The following PTPRD variants were observed in gnomAD, a reference collection of about 807,000 sequenced individuals.
The protein encoded by PTPRD is receptor-type tyrosine-protein phosphatase delta.
Under a neutral mutation model 214.5 loss-of-function variants are expected in PTPRD, and 34 were observed. That is an observed-to-expected ratio of 0.16 (90% CI 0.12 to 0.21). The LOEUF is 0.21. PTPRD is among the 10% of genes least tolerant of loss of function. The pLI is 1.00. For missense variants in PTPRD, 2,545 were observed against 2,398.7 expected (o/e 1.06, Z -1.27); for synonymous variants, 1,128 against 845.7 (o/e 1.33, Z -5.79).
intron 9 of PTPRD, among the ~76,000 whole-genome samples, chr9:9,337,015 T>A (rs1171207599): frequency 1.3e-5 from 2 of 152,144 alleles, no homozygotes; most frequent in Non-Finnish European, 2.9e-5. Flanking sequence ...AATTTAAAAA[T>A]TTTTAAAAGC....
In PTPRD at chr9:10,188,937, C is replaced by G. The variant is rs1329381726; in HGVS notation, c.-545+152026G>C. ...ATTTAACTGGCTTTGCCTGGGGTCACTCAGTCTGCTGTAACCATTTGAAGG... is the reference window on the plus strand; with the variant it reads ...ATTTAACTGGCTTTGCCTGGGGTCAGTCAGTCTGCTGTAACCATTTGAAGG... On this transcript the variant is annotated intron_variant, in intron 3 of 45. Coordinates refer to ENST00000381196, the MANE Select transcript of PTPRD (RefSeq NM_002839.4). 2.6e-5 allele frequency among the ~76,000 whole-genome samples: 4 copies of G among 152,198 alleles called. No homozygotes were observed. In the East Asian group the frequency reaches 7.7e-4, roughly 29 times the overall value.
intron 2 of PTPRD, among the ~76,000 whole-genome samples, chr9:10,366,289 T>C (rs1049555776): frequency 2.0e-5 from 3 of 152,206 alleles, no homozygotes; most frequent in African/African-American, 7.2e-5. Context: ...CATTATTTTC[T>C]GTACATTCAC....
intron 5 of PTPRD, among the ~76,000 whole-genome samples, chr9:9,838,118 C>A (rs944760067): frequency 3.9e-4 from 59 of 152,156 alleles, no homozygotes; most frequent in African/African-American, 1.1e-3. Flanking sequence ...TTATGGCCGC[C>A]TAGTATTCCA....
intron 8 of PTPRD, among the ~76,000 whole-genome samples, chr9:9,507,718 T>C (rs1290265008): frequency 6.6e-6 from 1 of 151,460 alleles, no homozygotes; most frequent in East Asian, 1.9e-4. Flanking sequence ...GTAGTGTTGT[T>C]ATAATGTAAA....
chr9:8,455,213 T>C (rs1326455490), intron 33 of PTPRD, among the ~76,000 whole-genome samples: 6 of 152,208 alleles, frequency 3.9e-5, no homozygotes, highest in Non-Finnish European at 8.8e-5. Flanking sequence ...ATCTTCAGTT[T>C]AGGAAAATAT....
intron 5 of PTPRD, among the ~76,000 whole-genome samples, chr9:9,867,342 A>T (rs2064233195): frequency 6.6e-6 from 1 of 152,134 alleles, no homozygotes; most frequent in African/African-American, 2.4e-5. Context: ...TTATCTTCCT[A>T]TTTAATTATA....
chr9:10,210,346 T>C lies in PTPRD; in HGVS notation c.-545+130617A>G, dbSNP rs374299770. On this transcript the variant is annotated intron_variant, in intron 3 of 45. Transcript: ENST00000381196. Reference sequence around the variant, plus strand: ...CAAAAGTGAGAAGATGGAGAGATAATAGTATGAAAACACAATTGAGGCATT... The same window carrying C: ...CAAAAGTGAGAAGATGGAGAGATAACAGTATGAAAACACAATTGAGGCATT... 5.3e-5 allele frequency among the ~76,000 whole-genome samples: 8 copies of C among 152,110 alleles called. No homozygotes were observed. The East Asian group carries it at 1.6e-3, about 30-fold the overall frequency.
chr9:10,532,583 T>C (rs1416151316), intron 2 of PTPRD, among the ~76,000 whole-genome samples: 1 of 147,820 alleles, frequency 6.8e-6, no homozygotes, highest in Non-Finnish European at 1.5e-5. Context: ...ACTATATATA[T>C]ATTTATATAA....
chr9:8,388,124 C>T (rs1277452400), intron 37 of PTPRD, among the ~76,000 whole-genome samples: 1 of 152,044 alleles, frequency 6.6e-6, no homozygotes, highest in Non-Finnish European at 1.5e-5. Context: ...GATTTCCCAC[C>T]TTTGAGGTTA....
At chr9:8,545,645 T>C (rs896579828) in intron 14 of PTPRD, among the ~76,000 whole-genome samples, 1 of 152,206 alleles carries the variant, frequency 6.6e-6, no homozygotes, top group African/African-American at 2.4e-5. Context: ...TGTTTGACTA[T>C]TTTCAATAAC....
intron 11 of PTPRD, among the ~76,000 whole-genome samples, chr9:8,813,691 A>G (rs914326750): frequency 6.6e-6 from 1 of 152,098 alleles, no homozygotes; most frequent in Non-Finnish European, 1.5e-5. Flanking sequence ...CTCTCCTTTC[A>G]TGAGCTGTGA....
At chr9:10,207,837 C>T (rs1466974074) in intron 3 of PTPRD, among the ~76,000 whole-genome samples, 2 of 151,444 alleles carry the variant, frequency 1.3e-5, no homozygotes, top group Admixed American at 6.6e-5. Flanking sequence ...TATATCTTCT[C>T]GTATGGAAGC....
chr9:9,191,616 T>A (rs1593245179), intron 9 of PTPRD, among the ~76,000 whole-genome samples: 1 of 152,134 alleles, frequency 6.6e-6, no homozygotes. Context: ...TAACATTATG[T>A]CAGAGATGCC....
Position 9,807,906 on chromosome 9 carries a change from C to G in PTPRD, c.-367-41055G>C, listed in dbSNP as rs149606860. Among the ~76,000 whole-genome samples, 563 of 152,170 alleles carry G rather than the reference C, an allele frequency of 3.7e-3. 2 individuals are homozygous for G. Among genetic ancestry groups the G allele is most frequent in the Non-Finnish European group, 6.0e-3 (407 of 67,992 alleles). On this transcript the variant is annotated intron_variant, in intron 5 of 45. Transcript: ENST00000381196. ...ATGTTTGTTCTGATTAGAAATAACC[C>G]TAAGAGCAGTTTTTATATTGTATTT... is the stretch of plus-strand genomic sequence containing the variant.
intron 35 of PTPRD, among the ~76,000 whole-genome samples, chr9:8,406,907 A>G (rs2093037899): frequency 6.6e-6 from 1 of 152,248 alleles, no homozygotes; most frequent in African/African-American, 2.4e-5. Context: ...CCAAGAAGCT[A>G]CTAAGCTCAC....
At chr9:9,660,896 G>C (rs138213418) in intron 7 of PTPRD, among the ~76,000 whole-genome samples, 3 of 151,892 alleles carry the variant, frequency 2.0e-5, no homozygotes, top group Non-Finnish European at 2.9e-5. Context: ...ACCAATGCCA[G>C]GATTCATGAC....
At chr9:10,192,850 C>T (rs1045129008) in intron 3 of PTPRD, among the ~76,000 whole-genome samples, 7 of 152,114 alleles carry the variant, frequency 4.6e-5, no homozygotes, top group African/African-American at 1.4e-4. Context: ...ACAATAGGGA[C>T]GTGTGAGTCT....
chr9:9,596,936 A>G (rs1382938664), intron 7 of PTPRD, among the ~76,000 whole-genome samples: 1 of 152,084 alleles, frequency 6.6e-6, no homozygotes, highest in African/African-American at 2.4e-5. Flanking sequence ...TCTATTGTTT[A>G]GAAAGGATTA....
At chr9:10,342,469 T>C (rs532993468) in intron 2 of PTPRD, among the ~76,000 whole-genome samples, 119 of 152,218 alleles carry the variant, frequency 7.8e-4, no homozygotes, top group African/African-American at 2.7e-3. Flanking sequence ...GAACGATGAC[T>C]GTTACTGAAT....
Sources: allele counts gnomAD v4.1 joint callset (sites outside exome capture counted in the v4.1 genomes callset), GRCh38; gene constraint gnomAD v4.1.1; transcripts MANE v1.5; gene names NCBI Gene and HGNC (gene_info 2026-07-23, HGNC 2026-07-21).